The following SLFN12L variants were observed in gnomAD, a reference collection of about 807,000 sequenced individuals.
SLFN12L encodes the protein schlafen family member 12-like.
In SLFN12L, 34 loss-of-function variants were observed where a neutral mutation model predicts 34.8. That is an observed-to-expected ratio of 0.98 (90% CI 0.74 to 1.30). The LOEUF (loss-of-function observed/expected upper bound fraction) is 1.30. SLFN12L is among the 50% of genes most tolerant of loss of function. SLFN12L has a pLI of 0.00. For missense variants in SLFN12L, 703 were observed against 696.2 expected, an observed-to-expected ratio of 1.01 and a Z score of -0.11; for synonymous variants, 259 against 247.5, an observed-to-expected ratio of 1.05 and a Z score of -0.44.
Position 35,474,705 on chromosome 17 carries a change from C to A in SLFN12L, c.*218G>T. On this transcript the variant is annotated 3_prime_UTR_variant, in exon 5 of 5. Transcript: ENST00000628453. ...GGGAGACCGGGGGGGGGGGTTGAATCACGAGGTCAGGAGTTCAAGACCAGC... is the reference window on the plus strand; with the variant it reads ...GGGAGACCGGGGGGGGGGGTTGAATAACGAGGTCAGGAGTTCAAGACCAGC... The A allele has an allele frequency of 2.9e-6, 1 of 350,716 alleles. No individual in the cohort carries two copies. The highest frequency in any genetic ancestry group is 3.1e-5 in the South Asian group (1 of 32,548). 21.7% of individuals were successfully genotyped at this position (350,716 alleles called of 1,614,324 possible). A position where few individuals can be genotyped will look rare whatever the true frequency, so the allele number is the denominator to read the frequency against.
chr17:35,488,136 G>A (rs1057025822), intron 2 of SLFN12L, among the ~76,000 whole-genome samples: 2 of 152,204 alleles, frequency 1.3e-5, no homozygotes, highest in Non-Finnish European at 2.9e-5. Flanking sequence ...GTGAACCCCG[G>A]AGGCGCAGCT....
chr17:35,530,500 G>GAA (rs1393603293), intron 1 of SLFN12L, among the ~76,000 whole-genome samples: 35 of 34,728 alleles, frequency 1.0e-3, no homozygotes, highest in African/African-American at 2.6e-3. Flanking sequence ...AAGAAAGAAA[G>GAA]AAAGAAAGAA....
At chr17:35,512,656 G>A (rs1915691576) in intron 2 of SLFN12L, among the ~76,000 whole-genome samples, 1 of 152,164 alleles carries the variant, frequency 6.6e-6, no homozygotes, top group Admixed American at 6.5e-5. Flanking sequence ...GTGAGCCACC[G>A]TGCCCAGCCT....
intron 1 of SLFN12L, among the ~76,000 whole-genome samples, chr17:35,532,594 T>A (rs1159944243): frequency 6.6e-6 from 1 of 152,080 alleles, no homozygotes; most frequent in African/African-American, 2.4e-5. Context: ...AAACTTTTTT[T>A]AAAACTTCAA....
At chr17:35,536,650 TA>T (rs1445561145) in intron 1 of SLFN12L, among the ~76,000 whole-genome samples, 1 of 150,674 alleles carries the variant, frequency 6.6e-6, no homozygotes, top group African/African-American at 2.4e-5. Flanking sequence ...CTACAAAATA[TA>T]AAAAAATTAG....
At chr17:35,505,696 C>CAGT (rs528477615) in intron 2 of SLFN12L, among the ~76,000 whole-genome samples, 23 of 152,298 alleles carry the variant, frequency 1.5e-4, no homozygotes, top group African/African-American at 5.5e-4. Context: ...CACCCTTGAA[C>CAGT]AGTAGACTGT....
chr17:35,502,674 T>C (rs1597860917), intron 2 of SLFN12L, among the ~76,000 whole-genome samples: 1 of 151,818 alleles, frequency 6.6e-6, no homozygotes, highest in African/African-American at 2.4e-5. Context: ...CAAAGGATAA[T>C]TGAAATCCCA....
At chr17:35,504,218 G>A (rs1181667511) in intron 2 of SLFN12L, among the ~76,000 whole-genome samples, 2 of 152,112 alleles carry the variant, frequency 1.3e-5, no homozygotes, top group Non-Finnish European at 2.9e-5. Flanking sequence ...AATAAATTGG[G>A]ACCATTTAAT....
At chr17:35,494,882 T>A (rs1239321419) in intron 2 of SLFN12L, among the ~76,000 whole-genome samples, 2 of 143,388 alleles carry the variant, frequency 1.4e-5, no homozygotes, top group African/African-American at 5.3e-5. Context: ...TTTTATTAAT[T>A]TATTTATTTT....
chr17:35,526,824 CA>C (rs1427664108), intron 1 of SLFN12L, among the ~76,000 whole-genome samples: 1 of 151,862 alleles, frequency 6.6e-6, no homozygotes, highest in African/African-American at 2.4e-5. Flanking sequence ...CAAACAAATT[CA>C]AAAGCTAGCA....
chr17:35,515,039 C>T (rs926448731), intron 2 of SLFN12L: 11 of 557,710 alleles, frequency 2.0e-5, no homozygotes, highest in East Asian at 1.8e-4. Context: ...GCTCAACTCA[C>T]TCCTCGGCCA....
intron 1 of SLFN12L, among the ~76,000 whole-genome samples, chr17:35,534,162 A>T (rs2072437252): frequency 6.6e-6 from 1 of 152,028 alleles, no homozygotes; most frequent in African/African-American, 2.4e-5. Context: ...AGAGATGGAG[A>T]CCATCCTGGC....
Position 35,522,545 on chromosome 17 carries a change from C to G in SLFN12L, c.-181G>C. 2.5e-6 allele frequency: 4 copies of G among 1,611,166 alleles called. No homozygotes were observed. Among genetic ancestry groups the G allele is most frequent in the Non-Finnish European group, 3.4e-6 (4 of 1,178,518 alleles). ...AGCCGAGCAAGACAATCACGAGGGA[C>G]TGCAGCAGGGCTTCCAATGTGCTGG... On this transcript the variant is annotated 5_prime_UTR_variant, in exon 2 of 5. Coordinates refer to ENST00000628453, the MANE Select transcript of SLFN12L (RefSeq NM_001363830.2).
rs1913784859 is a variant in SLFN12L at position 35,470,303 on chromosome 17, A to C, written c.*4620T>G. 6.2e-6 allele frequency: 1 copy of C among 160,036 alleles called. No homozygotes were observed. The allele number at this position is 160,036 out of a possible 1,614,324, so 9.9% of individuals were successfully genotyped here. On this transcript the variant is annotated 3_prime_UTR_variant, in exon 5 of 5. Transcript: ENST00000628453. ...ATTGGTCTGCCATGTGTTAACGTTT[A>C]GTCCAAATCATTTTTCCACTTTAGC...
chr17:35,505,850 T>G (rs769814115), intron 2 of SLFN12L, among the ~76,000 whole-genome samples: 4 of 152,216 alleles, frequency 2.6e-5, no homozygotes, highest in Non-Finnish European at 4.4e-5. Context: ...GGACTCATTT[T>G]CCTTAAAATT....
Position 35,479,202 on chromosome 17 carries a change from C to T in SLFN12L, c.1080G>A (p.Lys360=), listed in dbSNP as rs927384128. ...TATCTTTCACGTGCCAGGAATCAGG[C>T]TTTTTAGCAAACACTGCACAGCAGA... ...ERFCCAVFAK[K]PDSWHVKDNR... is the part of the protein sequence containing the mutation. The change falls in exon 3 of 5, where the codon AAG becomes AAA. Residue 360 remains lysine, a synonymous_variant. Transcript: ENST00000628453. 4.4e-6 allele frequency: 7 copies of T among 1,583,002 alleles called. No individual in the cohort carries two copies. The East Asian group carries it at 9.2e-5, about 21-fold the overall frequency.
chr17:35,512,247 C>T (rs1233177854), intron 2 of SLFN12L, among the ~76,000 whole-genome samples: 8 of 130,452 alleles, frequency 6.1e-5, no homozygotes, highest in Admixed American at 3.1e-4. Flanking sequence ...CTCCGCCTCC[C>T]GGGTTCACAC....
In SLFN12L at chr17:35,473,238, A is replaced by G. The variant is rs1427559997; in HGVS notation, c.*1685T>C. 1.3e-5 allele frequency among the ~76,000 whole-genome samples: 2 copies of G among 152,148 alleles called. No homozygotes were observed. The highest frequency in any genetic ancestry group is 4.8e-5 in the African/African-American group (2 of 41,420). The stretch of plus-strand genomic sequence containing the variant: ...ATTCTTGTCTTGTGCCAATTTTCAA[A>G]GGGAATGCTTCCAGGTTTTGCCCAT... On this transcript the variant is annotated 3_prime_UTR_variant, in exon 5 of 5. Transcript: ENST00000628453.
intron 2 of SLFN12L, among the ~76,000 whole-genome samples, chr17:35,500,873 C>T (rs1303865380): frequency 6.6e-6 from 1 of 152,150 alleles, no homozygotes; most frequent in Non-Finnish European, 1.5e-5. Context: ...AGTCATATAC[C>T]CCACTGCTTG....
Sources: allele counts gnomAD v4.1 joint callset (sites outside exome capture counted in the v4.1 genomes callset), GRCh38; gene constraint gnomAD v4.1.1; transcripts MANE v1.5; gene names NCBI Gene and HGNC (gene_info 2026-07-23, HGNC 2026-07-21).